The following ROGDI variants were observed in gnomAD, a reference collection of about 807,000 sequenced individuals.
ROGDI encodes rogdi atypical leucine zipper.
ROGDI carries 46 observed loss-of-function variants against 43.1 expected under a neutral mutation model. That is an observed-to-expected ratio of 1.07 (90% CI 0.84 to 1.37). ROGDI has a LOEUF of 1.37. Ranked by LOEUF, ROGDI falls within the 40% of genes most tolerant of loss-of-function variation. ROGDI has a pLI of 0.00. For missense variants in ROGDI, 518 were observed against 383.9 expected (o/e 1.35, Z -2.92); for synonymous variants, 243 against 162.0 (o/e 1.50, Z -3.80).
Position 4,798,155 on chromosome 16 carries a change from G to A in ROGDI, c.561C>T (p.Asp187=), listed in dbSNP as rs921046328. 1 of 1,614,018 alleles carries A rather than the reference G, an allele frequency of 6.2e-7. No homozygotes were observed. The highest frequency in any genetic ancestry group is 1.7e-5 in the Admixed American group (1 of 60,010). The part of the protein sequence containing the change: ...TRMFAPALPS[D]LLVNVYINLN... ...GGTTGATGTAGACGTTGACCAGCAG[G>A]TCGGACGGCAGGGCAGGGGCGAACA... Residue 187 remains aspartate (D), a synonymous_variant, in exon 8 of 11, where the codon GAC becomes GAT. Coordinates refer to ENST00000322048, the MANE Select transcript of ROGDI (RefSeq NM_024589.3).
At position 4,802,598 on chromosome 16, in the gene ROGDI, C is replaced by A; in HGVS notation, c.-27G>T. On this transcript the variant is annotated 5_prime_UTR_variant, in exon 1 of 11. Transcript: ENST00000322048. The stretch of plus-strand genomic sequence containing the variant: ...GCCGCAGGCCGCCGCCGAGCGCCCT[C>A]CCCACCGGCCGCTGCTCCTGTCCAC... The A allele has an allele frequency of 1.5e-6, 2 of 1,300,906 alleles. No individual in the cohort carries two copies. The highest frequency in any genetic ancestry group is 2.0e-6 in the Non-Finnish European group (2 of 1,022,044). 80.6% of individuals were successfully genotyped at this position (1,300,906 alleles called of 1,614,324 possible). A position where few individuals can be genotyped will look rare whatever the true frequency, so the allele number is the denominator to read the frequency against.
Position 4,797,287 on chromosome 16 carries a change from T to A in ROGDI, c.*173A>T. The stretch of plus-strand genomic sequence containing the variant: ...CACTACCCCACCAAACCAGCCTTCC[T>A]TCCTCCTGGCACTTCCAGTGTCCAT... On this transcript the variant is annotated 3_prime_UTR_variant, in exon 11 of 11. Coordinates refer to ENST00000322048, the MANE Select transcript of ROGDI (RefSeq NM_024589.3). 1 of 637,474 alleles carries A rather than the reference T, an allele frequency of 1.6e-6. No homozygotes were observed. Among genetic ancestry groups the A allele is most frequent in the Non-Finnish European group, 2.7e-6 (1 of 374,590 alleles). 39.5% of individuals were successfully genotyped at this position (637,474 alleles called of 1,614,324 possible). A position where few individuals can be genotyped will look rare whatever the true frequency, so the allele number is the denominator to read the frequency against.
chr16:4,801,285 C>G lies in ROGDI; in HGVS notation c.237G>C (p.Gly79=), dbSNP rs771193385. The G allele has an allele frequency of 2.5e-6, 4 of 1,608,644 alleles. No individual in the cohort carries two copies. Among genetic ancestry groups the G allele is most frequent in the East Asian group, 4.5e-5 (2 of 44,810 alleles). ...GACTCACCGCCTGGCTGAGGGCATC[C>G]CCCTGCAGAGTCAGCACACCCTTCA... ...DQVKGVLTLQ[G]DALSQADVNL... is the part of the protein sequence containing the mutation. Residue 79 remains glycine, a synonymous_variant, in exon 4 of 11, where the codon GGG becomes GGC. Transcript: ENST00000322048.
Position 4,797,858 on chromosome 16 carries a change from G to A in ROGDI, c.696-18C>T, listed in dbSNP as rs1206972679. 11 of 1,609,666 alleles carry A rather than the reference G, an allele frequency of 6.8e-6. No homozygotes were observed. The highest frequency in any genetic ancestry group is 2.7e-5 in the African/African-American group (2 of 74,890). ...CCCACTCGCTGTGGGCAGTGAGAGG[G>A]TCCCTGAGGAGGGTCCCGGCCCTCC... is the stretch of plus-strand genomic sequence containing the variant. On this transcript the variant is annotated intron_variant, in intron 9 of 10. Transcript: ENST00000322048.
Position 4,798,603 on chromosome 16 carries a change from A to T in ROGDI, c.497T>A (p.Leu166His). 6.4e-7 allele frequency: 1 copy of T among 1,573,774 alleles called. No homozygotes were observed. The highest frequency in any genetic ancestry group is 8.6e-7 in the Non-Finnish European group (1 of 1,165,278). Residue 166 changes from leucine (L) to histidine (H), a missense_variant, in exon 7 of 11, where the codon CTC (leucine) becomes CAC (histidine). Coordinates refer to ENST00000322048, the MANE Select transcript of ROGDI (RefSeq NM_024589.3). ...ARNRLTTPATLTLPEIAASGL... is the reference protein window; with the variant it reads ...ARNRLTTPATHTLPEIAASGL... Reference sequence around the variant, plus strand: ...GCTGGCGGCGATCTCGGGGAGGGTGAGGGTGGCGGGGGTGGTGAGCCGGTT... The same window carrying T: ...GCTGGCGGCGATCTCGGGGAGGGTGTGGGTGGCGGGGGTGGTGAGCCGGTT...
chr16:4,799,512 C>G (rs914150109), intron 6 of ROGDI, among the ~76,000 whole-genome samples, 174 bp downstream of exon 6: 1 of 152,116 alleles, frequency 6.6e-6, no homozygotes. Context: ...TTATGGTGAA[C>G]AGTCACTCCA....
Position 4,797,381 on chromosome 16 carries a change from G to T in ROGDI, c.*79C>A. 1 of 1,328,234 alleles carries T rather than the reference G, an allele frequency of 7.5e-7. No individual in the cohort carries two copies. Among genetic ancestry groups the T allele is most frequent in the Non-Finnish European group, 1.1e-6 (1 of 945,950 alleles). The allele number at this position is 1,328,234 out of a possible 1,614,324, so 82.3% of individuals were successfully genotyped here. On this transcript the variant is annotated 3_prime_UTR_variant, in exon 11 of 11. Coordinates refer to ENST00000322048, the MANE Select transcript of ROGDI (RefSeq NM_024589.3). ...GGGAGATAAATAGCAGCCTGGCGTT[G>T]GCACTGGCTGGTGCTCTGTGGTGGG...
chr16:4,798,050 C>T (rs375299461), intron 8 of ROGDI, 21 bp downstream of exon 8: 43 of 1,613,258 alleles, frequency 2.7e-5, no homozygotes, highest in Admixed American at 3.3e-5. Context: ...GGCAGTGGGC[C>T]GGGCAGGGGT....
At chr16:4,802,341 G>T in intron 2 of ROGDI, 41 bp downstream of exon 2, 3 of 1,513,572 alleles carry the variant, frequency 2.0e-6, no homozygotes, top group East Asian at 2.4e-5. Context: ...AATGAGGAGG[G>T]AGGGCCGCCA....
At chr16:4,799,584 G>T in intron 6 of ROGDI, 102 bp downstream of exon 6, 1 of 789,488 alleles carries the variant, frequency 1.3e-6, no homozygotes, top group Non-Finnish European at 2.1e-6. Flanking sequence ...GTGCTTACAG[G>T]TTGCACAGCT....
In ROGDI at chr16:4,797,796, A is replaced by T. The variant is rs1319338750; in HGVS notation, c.740T>A (p.Val247Glu). ...QRLEVSHVHKVECVIPWLNDA... is the reference protein window; with the variant it reads ...QRLEVSHVHKEECVIPWLNDA... ...GTTGAGCCAGGGGATCACGCACTCC[A>T]CTTTGTGCACGTGGCTCACCTCCAG... Residue 247 changes from valine to glutamate, a missense_variant, in exon 10 of 11, where the codon GTG becomes GAG. Val to Glu is a moderately radical substitution (Grantham distance 121). Coordinates refer to ENST00000322048, the MANE Select transcript of ROGDI (RefSeq NM_024589.3). 13 of 1,613,368 alleles carry T rather than the reference A, an allele frequency of 8.1e-6. No homozygotes were observed. Among genetic ancestry groups the T allele is most frequent in the Non-Finnish European group, 1.1e-5 (13 of 1,179,956 alleles).
intron 5 of ROGDI, among the ~76,000 whole-genome samples, chr16:4,800,149 G>A (rs1017798143): frequency 1.3e-5 from 2 of 152,182 alleles, no homozygotes; most frequent in Admixed American, 1.3e-4. Context: ...GGAGCTGCCA[G>A]GGAGCATGGG....
chr16:4,797,847 G>T lies in ROGDI; in HGVS notation c.696-7C>A. Reference sequence around the variant, plus strand: ...GCGCTGAGAGCCCCACTCGCTGTGGGCAGTGAGAGGGTCCCTGAGGAGGGT... The same window carrying T: ...GCGCTGAGAGCCCCACTCGCTGTGGTCAGTGAGAGGGTCCCTGAGGAGGGT... On this transcript the variant is annotated splice_region_variant and splice_polypyrimidine_tract_variant and intron_variant, in intron 9 of 10. Coordinates refer to ENST00000322048, the MANE Select transcript of ROGDI (RefSeq NM_024589.3). The T allele has an allele frequency of 6.2e-7, 1 of 1,610,710 alleles. No individual in the cohort carries two copies. The highest frequency in any genetic ancestry group is 8.5e-7 in the Non-Finnish European group (1 of 1,179,684).
At position 4,799,741 on chromosome 16, in the gene ROGDI, A is replaced by G; in HGVS notation, c.377T>C (p.Leu126Pro). ...ARNHVSQAIY[L>P]LTSRDQSYQF... ...GTAGCTCTGGTCCCGGCTGGTAAGC[A>G]GGTAAATGGCTTGGCTCACATGGTT... The change falls in exon 6 of 11, where the codon CTG (leucine) becomes CCG (proline). Residue 126 changes from leucine (L) to proline (P), a missense_variant. Transcript: ENST00000322048. The G allele has an allele frequency of 6.2e-7, 1 of 1,613,746 alleles. No homozygotes were observed. The highest frequency in any genetic ancestry group is 8.5e-7 in the Non-Finnish European group (1 of 1,179,780).
At chr16:4,800,204 G>A (rs2082698848) in intron 5 of ROGDI, among the ~76,000 whole-genome samples, 2 of 152,180 alleles carry the variant, frequency 1.3e-5, no homozygotes, top group Admixed American at 6.5e-5. Context: ...CTCTGGGCAA[G>A]GGAGTGACTT....
At chr16:4,798,980 G>A (rs577995554) in intron 6 of ROGDI, among the ~76,000 whole-genome samples, 53 of 152,280 alleles carry the variant, frequency 3.5e-4, no homozygotes, top group African/African-American at 1.2e-3. Flanking sequence ...CAGGGGTACA[G>A]GCAACAAAGG....
rs568488218 is a variant in ROGDI, at chr16:4,798,495, C to T, written c.531+74G>A. The T allele has an allele frequency of 1.8e-5, 21 of 1,188,074 alleles. No homozygotes were observed. The East Asian group carries it at 2.3e-4, about 13-fold the overall frequency. The allele number at this position is 1,188,074 out of a possible 1,614,324, so 73.6% of individuals were successfully genotyped here. ...ATAATCTGGGAGTGGCACCCCTCCGCGTCCATCCTGAGGGCAAGCTGGGAC... is the reference window on the plus strand; with the variant it reads ...ATAATCTGGGAGTGGCACCCCTCCGTGTCCATCCTGAGGGCAAGCTGGGAC... On this transcript the variant is annotated intron_variant, in intron 7 of 10. Coordinates refer to ENST00000322048, the MANE Select transcript of ROGDI (RefSeq NM_024589.3).
At position 4,800,542 on chromosome 16, in the gene ROGDI, G is replaced by A. The variant is rs1366205416; in HGVS notation, c.292C>T (p.Leu98=). 4 of 1,566,600 alleles carry A rather than the reference G, an allele frequency of 2.6e-6. No individual in the cohort carries two copies. Among genetic ancestry groups the A allele is most frequent in the Admixed American group, 1.9e-5 (1 of 52,844 alleles). Residue 98 remains leucine, a synonymous_variant, in exon 5 of 11, where the codon CTG becomes TTG. Transcript: ENST00000322048. ...TTGTCCTCCCGGAAGGCGAAGTGCA[G>A]CAGCTGGTTGTTCCGGGGCATCTTC... is the stretch of plus-strand genomic sequence containing the variant. ...NLKMPRNNQL[L]HFAFREDKQW... is the part of the protein sequence containing the mutation.
Position 4,797,589 on chromosome 16 carries a change from G to T in ROGDI, c.823-88C>A, listed in dbSNP as rs116931928. 4 of 1,587,432 alleles carry T rather than the reference G, an allele frequency of 2.5e-6. No homozygotes were observed. The African/African-American group carries it at 4.0e-5, about 16-fold the overall frequency. On this transcript the variant is annotated intron_variant, in intron 10 of 10. Coordinates refer to ENST00000322048, the MANE Select transcript of ROGDI (RefSeq NM_024589.3). ...AAGGTCACCCAAGGACAATATGTCA[G>T]GACAGGGCATTGCTGCCTCGCAGTG...
Sources: allele counts gnomAD v4.1 joint callset (sites outside exome capture counted in the v4.1 genomes callset), GRCh38; gene constraint gnomAD v4.1.1; transcripts MANE v1.5; gene names NCBI Gene and HGNC (gene_info 2026-07-23, HGNC 2026-07-21).